SLC35F4: variants seen among roughly 807,000 people sequenced by gnomAD.
The protein encoded by SLC35F4 is solute carrier family 35 member F4, also known as chromosome 14 open reading frame 36.
A neutral mutation model predicts 44.2 loss-of-function variants in SLC35F4; 24 were observed. The ratio of observed to expected loss-of-function variants is 0.54; its 90% confidence interval spans 0.39 to 0.76. The LOEUF (loss-of-function observed/expected upper bound fraction) is 0.76, where lower values mean the gene tolerates loss of function less well. SLC35F4 is among the 30% of genes least tolerant of loss of function. SLC35F4 has a pLI of 0.00. For missense variants in SLC35F4, 562 were observed against 586.1 expected, an observed-to-expected ratio of 0.96 and a Z score of 0.42; for synonymous variants, 238 against 223.6, an observed-to-expected ratio of 1.06 and a Z score of -0.57.
chr14:57,636,725 A>C (rs892278139), intron 1 of SLC35F4, among the ~76,000 whole-genome samples: 1 of 152,046 alleles, frequency 6.6e-6, no homozygotes, highest in Non-Finnish European at 1.5e-5. Flanking sequence ...TACCAGATAA[A>C]ATCCCATGCT....
intron 1 of SLC35F4, among the ~76,000 whole-genome samples, chr14:57,925,641 C>CT (rs11438270): frequency 0.36 from 47,985 of 134,610 alleles, 8,755 homozygotes; most frequent in East Asian, 0.68. Context: ...CTTGAAGGAG[C>CT]TTTTTTTTTT....
intron 1 of SLC35F4, among the ~76,000 whole-genome samples, chr14:57,772,061 A>T (rs1490341153): frequency 1.3e-5 from 2 of 152,176 alleles, no homozygotes; most frequent in Non-Finnish European, 2.9e-5. Context: ...ACAACTACAC[A>T]TCGAAATAGG....
At position 57,866,077 on chromosome 14, in the gene SLC35F4, G is replaced by C; in HGVS notation, c.-252C>G. The C allele has an allele frequency of 4.0e-6, 1 of 253,048 alleles. No individual in the cohort carries two copies. The highest frequency in any genetic ancestry group is 7.4e-6 in the Non-Finnish European group (1 of 135,468). 15.7% of individuals were successfully genotyped at this position (253,048 alleles called of 1,614,324 possible). A position where few individuals can be genotyped will look rare whatever the true frequency, so the allele number is the denominator to read the frequency against. ...GCAGCTCTCCCGCGCGCCACCCGGA[G>C]CACTGCTGCCCGAATAGCGCCCCCT... On this transcript the variant is annotated 5_prime_UTR_variant, in exon 1 of 8. Coordinates refer to ENST00000556826, the MANE Select transcript of SLC35F4 (RefSeq NM_001306087.2).
At chr14:57,579,917 G>A (rs2069123471) in intron 4 of SLC35F4, among the ~76,000 whole-genome samples, 1 of 152,070 alleles carries the variant, frequency 6.6e-6, no homozygotes, top group African/African-American at 2.4e-5. Context: ...AAAGAACAGT[G>A]GACAATATAG....
intron 1 of SLC35F4, among the ~76,000 whole-genome samples, chr14:57,743,542 G>A (rs1453159012): frequency 6.6e-6 from 1 of 152,136 alleles, no homozygotes; most frequent in African/African-American, 2.4e-5. Flanking sequence ...TTGAATCCCT[G>A]AATAGACTAA....
At chr14:57,791,515 C>T (rs1161927286) in intron 1 of SLC35F4, among the ~76,000 whole-genome samples, 2 of 152,174 alleles carry the variant, frequency 1.3e-5, no homozygotes, top group Non-Finnish European at 2.9e-5. Flanking sequence ...AAGAGGAATG[C>T]TTATACACTG....
At chr14:57,760,412 T>C (rs2077097426) in intron 1 of SLC35F4, among the ~76,000 whole-genome samples, 3 of 152,356 alleles carry the variant, frequency 2.0e-5, no homozygotes, top group Admixed American at 6.5e-5. Context: ...GCCAATACCA[T>C]ACTGTTTTTA....
At chr14:57,609,741 G>C (rs908792718) in intron 1 of SLC35F4, among the ~76,000 whole-genome samples, 1 of 152,186 alleles carries the variant, frequency 6.6e-6, no homozygotes, top group Non-Finnish European at 1.5e-5. Context: ...TCCGGAAGAT[G>C]GCTTAAATTT....
intron 1 of SLC35F4, among the ~76,000 whole-genome samples, chr14:57,608,752 C>A (rs1305007583): frequency 2.1e-5 from 3 of 143,690 alleles, no homozygotes; most frequent in Non-Finnish European, 4.4e-5. Context: ...AGGATATGAA[C>A]CTGTTAAAAA....
At chr14:57,928,084 C>T (rs549580222) in intron 1 of SLC35F4, among the ~76,000 whole-genome samples, 129 of 152,006 alleles carry the variant, frequency 8.5e-4, no homozygotes, top group African/African-American at 3.0e-3. Context: ...TGGACCCACC[C>T]TCACCCATAC....
At chr14:57,620,279 G>A (rs898482893) in intron 1 of SLC35F4, among the ~76,000 whole-genome samples, 1 of 152,130 alleles carries the variant, frequency 6.6e-6, no homozygotes, top group Non-Finnish European at 1.5e-5. Context: ...AATGTTAAGG[G>A]CAGCCAGAGA....
At chr14:57,677,586 A>T (rs1396089966) in intron 1 of SLC35F4, among the ~76,000 whole-genome samples, 1 of 152,064 alleles carries the variant, frequency 6.6e-6, no homozygotes, top group Non-Finnish European at 1.5e-5. Context: ...GAAAGTCTAT[A>T]AGGATAAGAC....
chr14:57,785,662 T>G (rs1378309619), intron 1 of SLC35F4, among the ~76,000 whole-genome samples: 1 of 152,130 alleles, frequency 6.6e-6, no homozygotes, highest in Non-Finnish European at 1.5e-5. Flanking sequence ...CTGGAGAACC[T>G]GAAGGTCTGT....
intron 1 of SLC35F4, among the ~76,000 whole-genome samples, chr14:57,745,109 A>T (rs1315521876): frequency 6.6e-6 from 1 of 152,242 alleles, no homozygotes; most frequent in Non-Finnish European, 1.5e-5. Context: ...CTTAAATGTT[A>T]GACCTAAAAC....
intron 1 of SLC35F4, among the ~76,000 whole-genome samples, chr14:57,667,441 G>A (rs944459305): frequency 1.3e-5 from 2 of 150,924 alleles, no homozygotes; most frequent in African/African-American, 4.9e-5. Context: ...CCATTAACTC[G>A]TCATTTAACA....
At chr14:57,817,813 T>G (rs1244003828) in intron 1 of SLC35F4, among the ~76,000 whole-genome samples, 1 of 152,108 alleles carries the variant, frequency 6.6e-6, no homozygotes, top group Non-Finnish European at 1.5e-5. Context: ...GATTATGGAA[T>G]TGTCTCAGCA....
At chr14:57,694,148 G>T (rs150869389) in intron 1 of SLC35F4, among the ~76,000 whole-genome samples, 1 of 152,130 alleles carries the variant, frequency 6.6e-6, no homozygotes, top group African/African-American at 2.4e-5. Context: ...TACCTGAGAT[G>T]ATCTCTTCAT....
chr14:57,873,341 T>A (rs1355628101), intron 1 of SLC35F4, among the ~76,000 whole-genome samples: 1 of 152,182 alleles, frequency 6.6e-6, no homozygotes, highest in African/African-American at 2.4e-5. Context: ...TCTCTACTAG[T>A]TCCATATTCC....
At chr14:57,623,502 T>C (rs1270270874) in intron 1 of SLC35F4, among the ~76,000 whole-genome samples, 1 of 152,172 alleles carries the variant, frequency 6.6e-6, no homozygotes, top group Admixed American at 6.6e-5. Context: ...ATTAACAGAA[T>C]ATACATTCTT....
Sources: gnomAD v4.1 joint callset for allele counts (sites outside exome capture counted in the v4.1 genomes callset) on GRCh38, gnomAD v4.1.1 for gene constraint, MANE v1.5 for transcripts, NCBI Gene and HGNC (gene_info 2026-07-23, HGNC 2026-07-21) for gene names.